Variants in CELF1 observed in about 807,000 individuals in gnomAD.
CELF1 encodes the protein 50 kDa nuclear polyadenylated RNA-binding protein.
In CELF1, 10 loss-of-function variants were observed where a neutral mutation model predicts 61.8. That is an observed-to-expected ratio of 0.16 (90% confidence interval 0.10 to 0.27). The LOEUF (loss-of-function observed/expected upper bound fraction) is 0.27, where lower values mean the gene tolerates loss of function less well. CELF1 is among the 10% of genes least tolerant of loss of function. The pLI, the probability that CELF1 is intolerant of heterozygous loss-of-function variation, is 1.00. For synonymous variants in CELF1, 236 were observed against 225.1 expected (o/e 1.05, Z -0.43); for missense variants, 380 against 639.1 (o/e 0.59, Z 4.37).
intron 1 of CELF1, among the ~76,000 whole-genome samples, chr11:47,530,506 A>G (rs922049776): frequency 2.5e-4 from 38 of 152,338 alleles, no homozygotes; most frequent in African/African-American, 8.2e-4. Flanking sequence ...ACAGTTTGGT[A>G]TATGTGGCAC....
At chr11:47,492,718 T>A (rs2153504587) in intron 3 of CELF1, among the ~76,000 whole-genome samples, 1 of 151,820 alleles carries the variant, frequency 6.6e-6, no homozygotes, top group South Asian at 2.1e-4. Flanking sequence ...GGTGGCAGAG[T>A]GAGATCTTGT....
chr11:47,555,807 A>G (rs573811648), upstream of CELF1, among the ~76,000 whole-genome samples: 2 of 152,192 alleles, frequency 1.3e-5, no homozygotes, highest in East Asian at 3.9e-4. Context: ...CAGGAGTTCA[A>G]GACCAACCTG....
intron 1 of CELF1, among the ~76,000 whole-genome samples, chr11:47,540,933 T>G (rs1356971505): frequency 6.6e-6 from 1 of 151,904 alleles, no homozygotes; most frequent in Non-Finnish European, 1.5e-5. Flanking sequence ...AAGCAGCCAG[T>G]AAATGGCACA....
At chr11:47,514,160 A>T (rs978261063) in intron 1 of CELF1, among the ~76,000 whole-genome samples, 1 of 151,852 alleles carries the variant, frequency 6.6e-6, no homozygotes, top group African/African-American at 2.4e-5. Flanking sequence ...CCTGACCTCA[A>T]GTGATGGGCT....
chr11:47,480,888 T>C lies in CELF1; in HGVS notation c.768+1807A>G, dbSNP rs535361936. The stretch of plus-strand genomic sequence containing the variant: ...CTGTCTCTACTAAAACTACAAAAAT[T>C]AGCCAGGCGTGGTGGCACATGACTG... On this transcript the variant is annotated intron_variant, in intron 9 of 14. Coordinates refer to ENST00000687097, the MANE Select transcript of CELF1 (RefSeq NM_001376376.1). Among the ~76,000 whole-genome samples, 10 of 152,098 alleles carry C rather than the reference T, an allele frequency of 6.6e-5. No individual in the cohort carries two copies. The East Asian group carries it at 1.9e-3, about 29-fold the overall frequency.
chr11:47,475,433 C>T lies in CELF1; in HGVS notation c.1176G>A (p.Ser392=), dbSNP rs2079573811. ...STMEALTQAY[S]GIQQYAAAAL... ...CAGCAGCAGCATATTGCTGGATACC[C>T]GAGTAGGCCTGAGTGAGGGCCTCCA... The change falls in exon 13 of 15, where the codon TCG becomes TCA. Residue 392 remains serine, a synonymous_variant. Transcript: ENST00000687097. 2 of 1,613,968 alleles carry T rather than the reference C, an allele frequency of 1.2e-6. No homozygotes were observed. Among genetic ancestry groups the T allele is most frequent in the Admixed American group, 1.7e-5 (1 of 60,004 alleles).
chr11:47,494,323 A>T, intron 3 of CELF1: 1 of 905,124 alleles, frequency 1.1e-6, no homozygotes, highest in Non-Finnish European at 1.3e-6. Context: ...AAGCAGTAAT[A>T]GTAATACCTG....
chr11:47,469,321 G>T lies in CELF1; in HGVS notation c.*2909C>A, dbSNP rs2077190636. ...CTCAATCTTATGGGGATGGCCCTTT[G>T]TTCCCAGAAATCCAAGCTCTTAGCT... On this transcript the variant is annotated 3_prime_UTR_variant, in exon 15 of 15. Coordinates refer to ENST00000687097, the MANE Select transcript of CELF1 (RefSeq NM_001376376.1). 1 of 152,210 alleles carries T rather than the reference G, an allele frequency of 6.6e-6. No individual in the cohort carries two copies. Among genetic ancestry groups the T allele is most frequent in the Admixed American group, 6.5e-5 (1 of 15,278 alleles). 9.4% of individuals were successfully genotyped at this position (152,210 alleles called of 1,614,324 possible).
chr11:47,540,623 G>A (rs1362014096), intron 1 of CELF1, among the ~76,000 whole-genome samples: 1 of 152,094 alleles, frequency 6.6e-6, no homozygotes, highest in African/African-American at 2.4e-5. Context: ...GGTGGCTCAC[G>A]CCTGTAATCC....
chr11:47,520,820 C>A (rs1184772634), intron 1 of CELF1, among the ~76,000 whole-genome samples: 1 of 151,622 alleles, frequency 6.6e-6, no homozygotes, highest in Non-Finnish European at 1.5e-5. Flanking sequence ...CTGCGCTCCC[C>A]CCCGACCCAA....
rs1203916571 is a variant in CELF1 at position 47,504,607 on chromosome 11, A to G, written c.-153-3675T>C. On this transcript the variant is annotated intron_variant, in intron 1 of 14. Transcript: ENST00000687097. The stretch of plus-strand genomic sequence containing the variant: ...AAACAAAATAAATAAAACATAAAAA[A>G]CCTCCATTTCAGGCTGGGCGCGGTG... Among the ~76,000 whole-genome samples the G allele has an allele frequency of 1.4e-5, 2 of 140,198 alleles. 1 individual carries two copies. The highest frequency in any genetic ancestry group is 3.3e-5 in the Non-Finnish European group (2 of 60,764). 92.0% of individuals were successfully genotyped at this position (140,198 alleles called of 152,430 possible). A position where few individuals can be genotyped will look rare whatever the true frequency, so the allele number is the denominator to read the frequency against.
intron 13 of CELF1, 38 bp downstream of exon 13, chr11:47,475,298 G>GC (rs756959024): frequency 6.3e-7 from 1 of 1,599,848 alleles, no homozygotes. Context: ...GAGGAAAACC[G>GC]CCCCCCATAC....
Position 47,476,907 on chromosome 11 carries a change from T to C in CELF1, c.1026A>G (p.Ser342=). Residue 342 remains serine (S), a synonymous_variant, in exon 12 of 15, where the codon TCA becomes TCG. Transcript: ENST00000687097. ...SSSNSVNPIA[S]LGALQTLAGA... is the part of the protein sequence containing the mutation. ...CAGCTAATGTCTGCAGGGCTCCAAGTGAGGCTATGGGGTTGACAGAATTAC... is the reference window on the plus strand; with the variant it reads ...CAGCTAATGTCTGCAGGGCTCCAAGCGAGGCTATGGGGTTGACAGAATTAC... 6.2e-7 allele frequency: 1 copy of C among 1,614,142 alleles called. No homozygotes were observed. Among genetic ancestry groups the C allele is most frequent in the African/African-American group, 1.3e-5 (1 of 75,042 alleles).
chr11:47,548,339 C>T (rs980309204), intron 1 of CELF1, among the ~76,000 whole-genome samples: 11 of 152,000 alleles, frequency 7.2e-5, no homozygotes, highest in Non-Finnish European at 1.5e-4. Flanking sequence ...AGACCTAAAA[C>T]TATAAAACTC....
chr11:47,561,633 C>T (rs1457373013), intron 2 of CELF1, among the ~76,000 whole-genome samples: 4 of 152,100 alleles, frequency 2.6e-5, no homozygotes, highest in Non-Finnish European at 5.9e-5. Flanking sequence ...AAAGGTTAAA[C>T]ACTGTACTAC....
At chr11:47,557,184 G>C (rs922083291), upstream of CELF1, among the ~76,000 whole-genome samples, 1 of 151,636 alleles carries the variant, frequency 6.6e-6, no homozygotes. Context: ...CACCACGCCC[G>C]GCCTATTTAC....
intron 8 of CELF1, 42 bp downstream of exon 8, chr11:47,483,411 C>T (rs1286797551): frequency 3.9e-6 from 6 of 1,524,960 alleles, no homozygotes; most frequent in South Asian, 2.2e-5. Flanking sequence ...TCCCAGCATT[C>T]CCAAGCTGAG....
chr11:47,553,467 C>G (rs531346825), upstream of CELF1, among the ~76,000 whole-genome samples: 212 of 152,336 alleles, frequency 1.4e-3, no homozygotes, highest in Non-Finnish European at 1.7e-3. Context: ...CACAGGAGCT[C>G]TAGATGACCC....
In CELF1 at chr11:47,483,497, C is replaced by A. The variant is rs187138759; in HGVS notation, c.562G>T (p.Ala188Ser). The change falls in exon 8 of 15, where the codon GCA (alanine) becomes TCA (serine). Residue 188 changes from alanine (A) to serine (S), a missense_variant. Coordinates refer to ENST00000687097, the MANE Select transcript of CELF1 (RefSeq NM_001376376.1). Reference protein sequence around the residue: ...AFVTFTTRAMAQTAIKAMHQA... With the variant: ...AFVTFTTRAMSQTAIKAMHQA... ...TGCATTGCCTTGATAGCCGTCTGTGCCATGGCTCTTGTTGTAAAAGTCACA... is the reference window on the plus strand; with the variant it reads ...TGCATTGCCTTGATAGCCGTCTGTGACATGGCTCTTGTTGTAAAAGTCACA... The A allele has an allele frequency of 2.5e-6, 4 of 1,614,010 alleles. No individual in the cohort carries two copies. In the East Asian group the frequency reaches 6.7e-5, roughly 27 times the overall value.
Sources: allele counts gnomAD v4.1 joint callset (sites outside exome capture counted in the v4.1 genomes callset), GRCh38; gene constraint gnomAD v4.1.1; transcripts MANE v1.5; gene names NCBI Gene and HGNC (gene_info 2026-07-23, HGNC 2026-07-21).